YTHDC1: variants seen among roughly 807,000 people sequenced by gnomAD.
YTHDC1 encodes the protein YTH N6-methyladenosine RNA binding protein C1.
In YTHDC1, 12 loss-of-function variants were observed where a neutral mutation model predicts 107.0. That is an observed-to-expected ratio of 0.11 (90% CI 0.07 to 0.18). The LOEUF is 0.18. Ranked by LOEUF, YTHDC1 falls within the 10% of genes least tolerant of loss-of-function variation. The pLI, the probability that YTHDC1 is intolerant of heterozygous loss-of-function variation, is 1.00. For missense variants in YTHDC1, 635 were observed against 898.8 expected (o/e 0.71, Z 3.75); for synonymous variants, 280 against 289.5 (o/e 0.97, Z 0.33).
At chr4:68,320,996 G>A (rs944591178) in intron 11 of YTHDC1, among the ~76,000 whole-genome samples, 2 of 151,984 alleles carry the variant, frequency 1.3e-5, no homozygotes, top group Non-Finnish European at 2.9e-5. Context: ...TCTTTAGAAG[G>A]TGAAACTTTA....
rs749917077 is a variant in YTHDC1, at chr4:68,337,340, A to C, written c.570T>G (p.Ser190=). The C allele has an allele frequency of 2.0e-5, 33 of 1,613,948 alleles. 1 individual carries two copies. In the South Asian group the frequency reaches 3.4e-4, roughly 17 times the overall value. The change falls in exon 4 of 17, where the codon TCT becomes TCG. Residue 190 remains serine (S), a synonymous_variant. Transcript: ENST00000344157. The part of the protein sequence containing the change: ...GSDHETGSSG[S]SDEQGNNTEN... ...CAGTGTTGTTCCCTTGCTCATCAGA[A>C]GAACCACTGCTGCCAGTCTCATGGT... is the stretch of plus-strand genomic sequence containing the variant.
chr4:68,333,392 T>C lies in YTHDC1; in HGVS notation c.889A>G (p.Lys297Glu), dbSNP rs769857113. 3 of 1,604,690 alleles carry C rather than the reference T, an allele frequency of 1.9e-6. No homozygotes were observed. Among genetic ancestry groups the C allele is most frequent in the Non-Finnish European group, 2.6e-6 (3 of 1,176,352 alleles). Residue 297 changes from lysine (K) to glutamate (E), a missense_variant, in exon 5 of 17, where the codon AAA becomes GAA. Physicochemically the swap from Lys to Glu is moderately conservative, Grantham distance 56. Around this residue, in one of 5 missense-constraint regions of YTHDC1, gnomAD observed 294 missense variants for 312.3 expected, o/e 0.94. Transcript: ENST00000344157. ...CTAGCTCTCTTCCTTTCCTTCTTTT[T>C]CTCATCTAAAAAGAACAAGAGTTTT... ...SGSGTDGSDE[K>E]KKERKRARGI...
intron 15 of YTHDC1, among the ~76,000 whole-genome samples, chr4:68,317,387 A>G (rs898157440): frequency 1.4e-4 from 21 of 152,210 alleles, no homozygotes; most frequent in Admixed American, 3.3e-4. Context: ...TCATCTGCAT[A>G]TAATAGTATA....
intron 10 of YTHDC1, 121 bp from the exon 11 acceptor site, chr4:68,323,036 A>G (rs1722602143): frequency 1.1e-6 from 1 of 878,022 alleles, no homozygotes. Context: ...TGATGATCAT[A>G]TGGGATTCCA....
Position 68,337,810 on chromosome 4 carries a change from A to C in YTHDC1, c.221T>G (p.Leu74Arg), listed in dbSNP as rs903785175. The change falls in exon 3 of 17, where the codon CTG (leucine) becomes CGG (arginine). Residue 74 changes from leucine to arginine, a missense_variant. By Grantham distance (102) the Leu-to-Arg change is moderately radical (BLOSUM62 -2). Around this residue, in one of 5 missense-constraint regions of YTHDC1, gnomAD observed 294 missense variants for 312.3 expected, o/e 0.94. Transcript: ENST00000344157. The part of the protein sequence containing the change: ...VHSRQLVSKP[L>R]SSSVSNNKRI... ...TTTGTTATTGCTAACAGATGAGCTC[A>C]GTGGCTTAGAAACCAGTTGTCTAGA... The C allele has an allele frequency of 6.2e-7, 1 of 1,614,000 alleles. No homozygotes were observed. Among genetic ancestry groups the C allele is most frequent in the Admixed American group, 1.7e-5 (1 of 59,982 alleles).
intron 1 of YTHDC1, among the ~76,000 whole-genome samples, chr4:68,346,347 T>G (rs558308626): frequency 1.8e-4 from 27 of 152,200 alleles, no homozygotes; most frequent in African/African-American, 6.5e-4. Flanking sequence ...GAGCCGTGAC[T>G]GCTCCACTGC....
At chr4:68,338,489 T>G (rs1724473694) in intron 1 of YTHDC1, 105 bp from the exon 2 acceptor site, 1 of 697,524 alleles carries the variant, frequency 1.4e-6, no homozygotes, top group Non-Finnish European at 2.3e-6. Context: ...AGCTTTTACT[T>G]TTATATAAAA....
In YTHDC1 at chr4:68,341,614, A is replaced by G. The variant is rs558999857; in HGVS notation, c.29-3230T>C. Among the ~76,000 whole-genome samples, 6 of 152,036 alleles carry G rather than the reference A, an allele frequency of 3.9e-5. No individual in the cohort carries two copies. In the East Asian group the frequency reaches 1.2e-3, roughly 29 times the overall value. On this transcript the variant is annotated intron_variant, in intron 1 of 16. Coordinates refer to ENST00000344157, the MANE Select transcript of YTHDC1 (RefSeq NM_001031732.4). ...AAAAAAAAAAAGCAAAGAATATGTC[A>G]GAGAACACTTACAGCCCACAAAGTC... is the stretch of plus-strand genomic sequence containing the variant.
chr4:68,349,970 G>C lies in YTHDC1; in HGVS notation c.-217C>G. The stretch of plus-strand genomic sequence containing the variant: ...TCCAGCATCCAGCGGCCTAGGCCCA[G>C]CCTTCTCGTTAGGGCTCAGACTCGG... On this transcript the variant is annotated 5_prime_UTR_variant, in exon 1 of 17. Coordinates refer to ENST00000344157, the MANE Select transcript of YTHDC1 (RefSeq NM_001031732.4). The C allele has an allele frequency of 1.5e-6, 1 of 657,174 alleles. No individual in the cohort carries two copies. The highest frequency in any genetic ancestry group is 1.9e-5 in the South Asian group (1 of 53,096). The allele number at this position is 657,174 out of a possible 1,614,324, so 40.7% of individuals were successfully genotyped here.
Position 68,332,202 on chromosome 4 carries a change from A to G in YTHDC1, c.1028-5T>C. 2 of 1,582,004 alleles carry G rather than the reference A, an allele frequency of 1.3e-6. No individual in the cohort carries two copies. Among genetic ancestry groups the G allele is most frequent in the East Asian group, 2.3e-5 (1 of 44,224 alleles). ...ATTTGAGTTTACTGGTTTGATCTGAAAAAAAAAGAAACCCAAATCGATTAA... is the reference window on the plus strand; with the variant it reads ...ATTTGAGTTTACTGGTTTGATCTGAGAAAAAAAGAAACCCAAATCGATTAA... On this transcript the variant is annotated splice_polypyrimidine_tract_variant and splice_region_variant and intron_variant, in intron 6 of 16. Coordinates refer to ENST00000344157, the MANE Select transcript of YTHDC1 (RefSeq NM_001031732.4).
At chr4:68,333,249 C>T (rs771657174) in intron 5 of YTHDC1, 59 bp downstream of exon 5, 27 of 1,351,592 alleles carry the variant, frequency 2.0e-5, no homozygotes, top group African/African-American at 5.9e-5. Context: ...AGCCTCCACA[C>T]GCTTTCTAAA....
rs563187421 is a variant in YTHDC1 at position 68,340,214 on chromosome 4, A to C, written c.29-1830T>G. On this transcript the variant is annotated intron_variant, in intron 1 of 16. Transcript: ENST00000344157. ...GGAAAGAAATCTGTGACTGAAGAGA[A>C]TAGTTAATACAAACGATAAGGTTAC... is the stretch of plus-strand genomic sequence containing the variant. Among the ~76,000 whole-genome samples, 4 of 152,306 alleles carry C rather than the reference A, an allele frequency of 2.6e-5. No individual in the cohort carries two copies. The East Asian group carries it at 7.7e-4, about 29-fold the overall frequency.
chr4:68,321,675 C>T (rs1201536574), intron 11 of YTHDC1, among the ~76,000 whole-genome samples: 2 of 152,106 alleles, frequency 1.3e-5, no homozygotes, highest in Non-Finnish European at 2.9e-5. Flanking sequence ...AGGTTTCCTC[C>T]TACCTACTCG....
intron 15 of YTHDC1, among the ~76,000 whole-genome samples, chr4:68,316,877 A>G (rs1366307994): frequency 6.6e-6 from 1 of 152,212 alleles, no homozygotes; most frequent in Non-Finnish European, 1.5e-5. Flanking sequence ...GGCATACGGC[A>G]TCAGGCATCC....
Position 68,312,265 on chromosome 4 carries a change from G to A in YTHDC1, c.*1834C>T, listed in dbSNP as rs890247607. 3 of 152,172 alleles carry A rather than the reference G, an allele frequency of 2.0e-5. No homozygotes were observed. The highest frequency in any genetic ancestry group is 4.4e-5 in the Non-Finnish European group (3 of 68,032). 9.4% of individuals were successfully genotyped at this position (152,172 alleles called of 1,614,324 possible). On this transcript the variant is annotated 3_prime_UTR_variant, in exon 17 of 17. Transcript: ENST00000344157. ...CTAGCCTCTCTGAGCCCATTTAAAT[G>A]AGTCTGTATATAAAAGCACAAAGTC...
rs1724359709 is a variant in YTHDC1 at position 68,337,729 on chromosome 4, T to TCTGAAA, written c.301_302insTTTCAG (p.Gln101delinsLeuSerGlu). ...TAGACGCTTGTTTCTTTCAGATCTT[T>TCTGAAA]GATATTCCTCATTTTTATACTCTGT... On this transcript the variant is annotated protein_altering_variant, in exon 3 of 17. Coordinates refer to ENST00000344157, the MANE Select transcript of YTHDC1 (RefSeq NM_001031732.4). 6.2e-7 allele frequency: 1 copy of TCTGAAA among 1,614,136 alleles called. No individual in the cohort carries two copies. Among genetic ancestry groups the TCTGAAA allele is most frequent in the African/African-American group, 1.3e-5 (1 of 75,030 alleles).
At chr4:68,336,294 A>G (rs62316048) in intron 4 of YTHDC1, among the ~76,000 whole-genome samples, 22,791 of 151,958 alleles carry the variant, frequency 0.15, 2,262 homozygotes, top group East Asian at 0.32. Context: ...GTGCTCTGTA[A>G]GTACCCTGAC....
At chr4:68,333,703 T>C (rs751286082) in intron 4 of YTHDC1, among the ~76,000 whole-genome samples, 49 of 152,284 alleles carry the variant, frequency 3.2e-4, no homozygotes, top group Non-Finnish European at 7.4e-5. Context: ...GGGGGAAATT[T>C]GCAAAGCAAA....
intron 1 of YTHDC1, among the ~76,000 whole-genome samples, chr4:68,346,341 C>T (rs866611327): frequency 9.2e-5 from 14 of 151,974 alleles, no homozygotes; most frequent in South Asian, 4.1e-4. Flanking sequence ...TGCAGTGAGC[C>T]GTGACTGCTC....
Sources: gnomAD v4.1 joint callset for allele counts (sites outside exome capture counted in the v4.1 genomes callset) on GRCh38, gnomAD v4.1.1 for gene constraint, gnomAD v4.1.1 regional missense constraint, MANE v1.5 for transcripts, NCBI Gene and HGNC (gene_info 2026-07-23, HGNC 2026-07-21) for gene names.